The following DDB2 variants were observed in gnomAD, a reference collection of about 807,000 sequenced individuals.
DDB2 encodes the protein damage specific DNA binding protein 2.
In DDB2, 27 loss-of-function variants were observed where a neutral mutation model predicts 50.5. The ratio of observed to expected loss-of-function variants is 0.53; its 90% CI spans 0.39 to 0.74. The LOEUF is 0.74. Among genes scored for constraint, DDB2 ranks in the 30% least tolerant of loss-of-function variants. DDB2 has a pLI of 0.00. For synonymous variants in DDB2, 176 were observed against 205.5 expected (o/e 0.86, Z 1.23); for missense variants, 424 against 545.6 (o/e 0.78, Z 2.22).
chr11:47,228,367 G>GT lies in DDB2; in HGVS notation c.457-4447_457-4446insT, dbSNP rs367689636. Among the ~76,000 whole-genome samples the GT allele has an allele frequency of 7.0e-3, 958 of 136,132 alleles. 14 individuals carry two copies. Among genetic ancestry groups the GT allele is most frequent in the African/African-American group, 0.027 (913 of 33,742 alleles). The allele number at this position is 136,132 out of a possible 152,430, so 89.3% of individuals were successfully genotyped here. On this transcript the variant is annotated intron_variant, in intron 3 of 9. Coordinates refer to ENST00000256996, the MANE Select transcript of DDB2 (RefSeq NM_000107.3). ...GTTTAAGATCAATATCTGGCTGGGT[G>GT]CGGTGGCTCACTCCTGTAATCTCAG...
chr11:47,219,093 T>C lies in DDB2; in HGVS notation c.456+2044T>C, dbSNP rs550024464. Among the ~76,000 whole-genome samples, 202 of 152,042 alleles carry C rather than the reference T, an allele frequency of 1.3e-3. 2 individuals carry two copies. The highest frequency in any genetic ancestry group is 4.8e-3 in the African/African-American group (198 of 41,502). The stretch of plus-strand genomic sequence containing the variant: ...CCCAGCAGCTGGGACTGCAGGTGCA[T>C]GCTGCCACGCCTGGCTAATTTTTGT... On this transcript the variant is annotated intron_variant, in intron 3 of 9. Transcript: ENST00000256996.
chr11:47,221,046 C>G (rs757860656), intron 3 of DDB2, among the ~76,000 whole-genome samples: 3 of 151,668 alleles, frequency 2.0e-5, no homozygotes, highest in Non-Finnish European at 4.4e-5. Flanking sequence ...GTCTGTAGTT[C>G]CAGCTACTCA....
intron 6 of DDB2, 115 bp from the exon 7 acceptor site, chr11:47,235,155 C>T (rs537390584): frequency 2.2e-4 from 326 of 1,480,572 alleles, no homozygotes; most frequent in Non-Finnish European, 1.6e-4. Context: ...TCTTCCTTTC[C>T]GCTCCTGTCT....
intron 1 of DDB2, 195 bp from the exon 2 acceptor site, chr11:47,216,141 T>G: frequency 1.2e-6 from 1 of 812,418 alleles, no homozygotes; most frequent in Non-Finnish European, 2.1e-6. Context: ...TGGGAGTGTT[T>G]TGGGGAAGGG....
intron 3 of DDB2, among the ~76,000 whole-genome samples, chr11:47,222,599 G>A (rs1452699447): frequency 6.6e-6 from 1 of 152,196 alleles, no homozygotes; most frequent in East Asian, 1.9e-4. Flanking sequence ...TCCTGCCTTA[G>A]CCTCCCAAAG....
At chr11:47,224,613 G>A (rs1010548681) in intron 3 of DDB2, among the ~76,000 whole-genome samples, 1 of 152,064 alleles carries the variant, frequency 6.6e-6, no homozygotes, top group Non-Finnish European at 1.5e-5. Context: ...TTGGGACTGC[G>A]ATTACATATG....
In DDB2 at chr11:47,235,697, T is replaced by G. The variant is rs1368745012; in HGVS notation, c.1023+285T>G. On this transcript the variant is annotated intron_variant, in intron 7 of 9. Coordinates refer to ENST00000256996, the MANE Select transcript of DDB2 (RefSeq NM_000107.3). Reference sequence around the variant, plus strand: ...AATTTTCTAAGATCCTGACCCTCTGTTCTGTCTTCTCAGCTTCAGTTACCT... The same window carrying G: ...AATTTTCTAAGATCCTGACCCTCTGGTCTGTCTTCTCAGCTTCAGTTACCT... 6.1e-6 allele frequency: 3 copies of G among 495,072 alleles called. No individual in the cohort carries two copies. In the East Asian group the frequency reaches 1.1e-4, roughly 19 times the overall value. The allele number at this position is 495,072 out of a possible 1,614,324, so 30.7% of individuals were successfully genotyped here.
chr11:47,218,165 G>A (rs1953428335), intron 3 of DDB2, among the ~76,000 whole-genome samples: 1 of 152,180 alleles, frequency 6.6e-6, no homozygotes, highest in Admixed American at 6.5e-5. Context: ...GTCATTCCCT[G>A]TATCATTACC....
chr11:47,217,074 G>C, intron 3 of DDB2, 25 bp downstream of exon 3: 1 of 1,605,804 alleles, frequency 6.2e-7, no homozygotes, highest in African/African-American at 1.3e-5. Flanking sequence ...ATGCCAGGTC[G>C]TGCTAAAGAA....
intron 3 of DDB2, among the ~76,000 whole-genome samples, chr11:47,223,086 C>T (rs2135493437): frequency 6.6e-6 from 1 of 152,278 alleles, no homozygotes; most frequent in South Asian, 2.1e-4. Flanking sequence ...TCTAGGTTCA[C>T]AGTTTTTAAA....
intron 6 of DDB2, 34 bp downstream of exon 6, chr11:47,234,968 C>T (rs781231692): frequency 2.5e-6 from 4 of 1,610,216 alleles, no homozygotes; most frequent in South Asian, 1.1e-5. Context: ...CTCCTGCAGA[C>T]CCTGCCTGTC....
At chr11:47,223,995 G>A (rs1005013687) in intron 3 of DDB2, among the ~76,000 whole-genome samples, 4 of 151,788 alleles carry the variant, frequency 2.6e-5, no homozygotes, top group Admixed American at 1.3e-4. Flanking sequence ...CAGCTGTTCA[G>A]GAGGCTGAGG....
chr11:47,238,710 C>A (rs1300698553), intron 9 of DDB2, 90 bp from the exon 10 acceptor site: 3 of 1,473,814 alleles, frequency 2.0e-6, no homozygotes, highest in Non-Finnish European at 2.8e-6. Flanking sequence ...CCTAGTATTT[C>A]TTTACCAAAT....
chr11:47,233,696 C>G (rs937638430), intron 4 of DDB2, among the ~76,000 whole-genome samples: 1 of 123,468 alleles, frequency 8.1e-6, no homozygotes, highest in Non-Finnish European at 1.7e-5. Flanking sequence ...GCAACAAGAG[C>G]GAAAATCTAT....
chr11:47,217,111 C>T (rs1953410662), intron 3 of DDB2, 62 bp downstream of exon 3: 8 of 1,491,480 alleles, frequency 5.4e-6, no homozygotes, highest in Middle Eastern at 2.1e-4. Flanking sequence ...TGCAGTGGTT[C>T]GCACCTGTAA....
At chr11:47,219,880 C>T (rs1953457461) in intron 3 of DDB2, among the ~76,000 whole-genome samples, 1 of 152,172 alleles carries the variant, frequency 6.6e-6, no homozygotes, top group Non-Finnish European at 1.5e-5. Flanking sequence ...CTCCGCCTCC[C>T]AGGTTCACGC....
At chr11:47,235,118 T>G in intron 6 of DDB2, 152 bp from the exon 7 acceptor site, 1 of 1,339,678 alleles carries the variant, frequency 7.5e-7, no homozygotes, top group South Asian at 1.2e-5. Context: ...AGAATTTTTT[T>G]GTTGTTGTTC....
intron 7 of DDB2, chr11:47,236,024 C>T (rs1953722770): frequency 6.6e-6 from 1 of 151,412 alleles, no homozygotes; most frequent in African/African-American, 2.4e-5. Flanking sequence ...CCTCAACCTC[C>T]TGGGTTCAAG....
rs4647745 is a variant in DDB2, at chr11:47,233,148, C to T, written c.602+189C>T. 6,045 of 697,590 alleles carry T rather than the reference C, an allele frequency of 8.7e-3. 270 individuals are homozygous for T. In the African/African-American group the frequency reaches 0.094, roughly 11 times the overall value. 43.2% of individuals were successfully genotyped at this position (697,590 alleles called of 1,614,324 possible). On this transcript the variant is annotated intron_variant, in intron 4 of 9. Transcript: ENST00000256996. ...CCCTCACTTTGGTCCAGGTGGGTTA[C>T]TGCTTTGGGAAGGTGTTCTGGAGCC...
Sources: allele counts gnomAD v4.1 joint callset (sites outside exome capture counted in the v4.1 genomes callset), GRCh38; gene constraint gnomAD v4.1.1; transcripts MANE v1.5; gene names NCBI Gene and HGNC (gene_info 2026-07-23, HGNC 2026-07-21).